Variants in SMPD3 observed in about 807,000 individuals in gnomAD.
SMPD3 encodes nSMase-2.
A neutral mutation model predicts 55.7 loss-of-function variants in SMPD3; 21 were observed. The ratio of observed to expected loss-of-function variants is 0.38; its 90% CI spans 0.27 to 0.54. The LOEUF (loss-of-function observed/expected upper bound fraction) is 0.54, where lower values mean the gene tolerates loss of function less well. SMPD3 is among the 20% of genes least tolerant of loss of function. The pLI, the probability that SMPD3 is intolerant of heterozygous loss-of-function variation, is 0.80. For synonymous variants in SMPD3, 457 were observed against 404.3 expected, an observed-to-expected ratio of 1.13 and a Z score of -1.56; for missense variants, 842 against 899.6, an observed-to-expected ratio of 0.94 and a Z score of 0.82.
chr16:68,421,770 C>T (rs2090396892), intron 1 of SMPD3, among the ~76,000 whole-genome samples: 1 of 152,192 alleles, frequency 6.6e-6, no homozygotes, highest in African/African-American at 2.4e-5. Context: ...TTTTTCTTCC[C>T]TACTTGCTTG....
rs777522273 is a variant in SMPD3, at chr16:68,371,361, C to A, written c.821G>T (p.Gly274Val). The A allele has an allele frequency of 1.3e-6, 2 of 1,576,490 alleles. No homozygotes were observed. Among genetic ancestry groups the A allele is most frequent in the East Asian group, 2.2e-5 (1 of 44,796 alleles). ...GGQARNGAGG[G>V]PRGQTPNHNQ... is the part of the protein sequence containing the mutation. The stretch of plus-strand genomic sequence containing the variant: ...ATGGTTGGGCGTCTGGCCCCTTGGG[C>A]CCCCGCCAGCTCCGTTCCTGGCCTG... The change falls in exon 3 of 9, where the codon GGC becomes GTC. Residue 274 changes from glycine to valine, a missense_variant. By Grantham distance (109) the Gly-to-Val change is moderately radical. Around this residue, in one of 2 missense-constraint regions of SMPD3, gnomAD observed 649 missense variants for 643.6 expected, o/e 1.01. Coordinates refer to ENST00000219334, the MANE Select transcript of SMPD3 (RefSeq NM_018667.4).
chr16:68,375,209 C>T (rs2089780271), intron 2 of SMPD3, among the ~76,000 whole-genome samples: 1 of 152,060 alleles, frequency 6.6e-6, no homozygotes, highest in Non-Finnish European at 1.5e-5. Flanking sequence ...TCTCTCTCTC[C>T]CTTTGGTGGT....
At position 68,365,006 on chromosome 16, in the gene SMPD3, G is replaced by A. The variant is rs146266629; in HGVS notation, c.1399+11C>T. 0.013 allele frequency: 20,391 copies of A among 1,614,036 alleles called. 143 individuals are homozygous for A. Among genetic ancestry groups the A allele is most frequent in the South Asian group, 0.017 (1,512 of 91,064 alleles). ...ATGCCTAGAAAAAACACAGGTGGGC[G>A]GCAACCCTACCTTGCGGGGCATGCA... On this transcript the variant is annotated intron_variant, in intron 4 of 8. Coordinates refer to ENST00000219334, the MANE Select transcript of SMPD3 (RefSeq NM_018667.4).
At chr16:68,406,284 G>A (rs773303818) in intron 1 of SMPD3, among the ~76,000 whole-genome samples, 1 of 152,190 alleles carries the variant, frequency 6.6e-6, no homozygotes, top group South Asian at 2.1e-4. Context: ...TGAACATTTA[G>A]TTATCACTTA....
intron 1 of SMPD3, among the ~76,000 whole-genome samples, chr16:68,437,175 G>T (rs1179044244): frequency 6.6e-6 from 1 of 152,224 alleles, no homozygotes; most frequent in Non-Finnish European, 1.5e-5. Context: ...CTGGCACAGG[G>T]TTCAACACAG....
chr16:68,369,331 C>G (rs1292900558), intron 3 of SMPD3: 1 of 152,116 alleles, frequency 6.6e-6, no homozygotes, highest in Non-Finnish European at 1.5e-5. Flanking sequence ...AGGACAGAAC[C>G]TGGGAGGAGG....
chr16:68,430,007 G>A (rs2090466959), intron 1 of SMPD3, among the ~76,000 whole-genome samples: 1 of 152,194 alleles, frequency 6.6e-6, no homozygotes. Context: ...CCCCTCTGGA[G>A]CAAGCCGTCC....
chr16:68,380,384 C>T (rs539416636), intron 2 of SMPD3, among the ~76,000 whole-genome samples: 55 of 152,360 alleles, frequency 3.6e-4, no homozygotes, highest in African/African-American at 9.9e-4. Context: ...GAGGCAGCTC[C>T]GGGGCCGAAC....
chr16:68,446,363 C>T (rs2090609556), intron 1 of SMPD3, among the ~76,000 whole-genome samples: 1 of 152,102 alleles, frequency 6.6e-6, no homozygotes, highest in African/African-American at 2.4e-5. Flanking sequence ...GCTACCTTCA[C>T]CCTGAGGGCA....
At chr16:68,364,973 C>T (rs1296976102) in intron 4 of SMPD3, 44 bp downstream of exon 4, 1 of 1,613,886 alleles carries the variant, frequency 6.2e-7, no homozygotes, top group East Asian at 2.2e-5. Context: ...GCCCCAGGCA[C>T]TGATCCCATG....
intron 1 of SMPD3, among the ~76,000 whole-genome samples, chr16:68,430,223 C>T (rs2090468801): frequency 6.6e-6 from 1 of 151,916 alleles, no homozygotes; most frequent in African/African-American, 2.4e-5. Flanking sequence ...CCTCTATGCC[C>T]CCTCCCTCCA....
At position 68,359,093 on chromosome 16, in the gene SMPD3, CCCCGGGAGGGGGTG is replaced by C. The variant is rs1567764512; in HGVS notation, c.*2099_*2112del. ...GCAGCCCTGACTCCCACGCCTGCTGCCCCGGGAGGGGGTGCCTGGGTGGGGAAGCTATGTTGGGG... is the reference window on the plus strand; with the variant it reads ...GCAGCCCTGACTCCCACGCCTGCTGCCCTGGGTGGGGAAGCTATGTTGGGG... On this transcript the variant is annotated 3_prime_UTR_variant, in exon 9 of 9. Coordinates refer to ENST00000219334, the MANE Select transcript of SMPD3 (RefSeq NM_018667.4). 1 of 152,588 alleles carries C rather than the reference CCCCGGGAGGGGGTG, an allele frequency of 6.6e-6. No homozygotes were observed. Among genetic ancestry groups the C allele is most frequent in the African/African-American group, 2.4e-5 (1 of 41,464 alleles). The allele number at this position is 152,588 out of a possible 1,614,324, so 9.5% of individuals were successfully genotyped here.
At chr16:68,436,704 G>A (rs140731691) in intron 1 of SMPD3, among the ~76,000 whole-genome samples, 1 of 152,320 alleles carries the variant, frequency 6.6e-6, no homozygotes, top group East Asian at 1.9e-4. Context: ...TGGAAAAACT[G>A]TACTTTGCTC....
At chr16:68,383,039 A>G (rs2089981800) in intron 2 of SMPD3, among the ~76,000 whole-genome samples, 2 of 152,058 alleles carry the variant, frequency 1.3e-5, no homozygotes, top group African/African-American at 4.8e-5. Flanking sequence ...GGGTTCCACC[A>G]TGTTGGCCAG....
chr16:68,408,279 A>C (rs1350287194), intron 1 of SMPD3, among the ~76,000 whole-genome samples: 1 of 152,230 alleles, frequency 6.6e-6, no homozygotes, highest in Non-Finnish European at 1.5e-5. Flanking sequence ...CATTTCATGG[A>C]AAGACAATGA....
At chr16:68,442,636 A>G (rs1233336705) in intron 1 of SMPD3, among the ~76,000 whole-genome samples, 1 of 152,182 alleles carries the variant, frequency 6.6e-6, no homozygotes, top group Non-Finnish European at 1.5e-5. Flanking sequence ...AAGCTTTCTA[A>G]AGGGTTATAG....
chr16:68,362,386 C>T (rs1374167187), intron 7 of SMPD3, among the ~76,000 whole-genome samples: 1 of 152,220 alleles, frequency 6.6e-6, no homozygotes, highest in African/African-American at 2.4e-5. Context: ...GAGGGCAGGG[C>T]GCTGGAGCAG....
intron 1 of SMPD3, among the ~76,000 whole-genome samples, 173 bp from the exon 2 acceptor site, chr16:68,386,832 C>T (rs2090060279): frequency 6.6e-6 from 1 of 152,182 alleles, no homozygotes; most frequent in Non-Finnish European, 1.5e-5. Flanking sequence ...GTGTGCCCGG[C>T]AGTTCCAGTG....
At chr16:68,417,622 G>A (rs1455245688) in intron 1 of SMPD3, among the ~76,000 whole-genome samples, 1 of 152,242 alleles carries the variant, frequency 6.6e-6, no homozygotes, top group Non-Finnish European at 1.5e-5. Flanking sequence ...CTGGGGAAGA[G>A]ATTGGGCTTT....
Sources: gnomAD v4.1 joint callset for allele counts (sites outside exome capture counted in the v4.1 genomes callset) on GRCh38, gnomAD v4.1.1 for gene constraint, gnomAD v4.1.1 regional missense constraint, MANE v1.5 for transcripts, NCBI Gene and HGNC (gene_info 2026-07-23, HGNC 2026-07-21) for gene names.